PWWP2A: variants seen among roughly 807,000 people sequenced by gnomAD.
PWWP2A encodes PWWP domain-containing protein 2A.
PWWP2A carries 18 observed loss-of-function variants against 48.5 expected under a neutral mutation model. The observed-to-expected ratio is 0.37, with a 90% confidence interval of 0.26 to 0.55. The LOEUF (loss-of-function observed/expected upper bound fraction) is 0.55. Ranked by LOEUF, PWWP2A falls within the 20% of genes least tolerant of loss-of-function variation. The pLI is 0.81. For missense variants in PWWP2A, 867 were observed against 976.4 expected (o/e 0.89, Z 1.49); for synonymous variants, 396 against 387.7 (o/e 1.02, Z -0.25).
chr5:160,117,594 T>TC (rs1243702320), intron 1 of PWWP2A, among the ~76,000 whole-genome samples: 6 of 151,736 alleles, frequency 4.0e-5, no homozygotes, highest in African/African-American at 1.5e-4. Context: ...GAGGCGGAGG[T>TC]TGCAGTGAGA....
Position 160,093,027 on chromosome 5 carries a change from A to C in PWWP2A, c.1623T>G (p.Asn541Lys). Residue 541 changes from asparagine (N) to lysine (K), a missense_variant, in exon 2 of 2, where the codon AAT (asparagine) becomes AAG (lysine). Asn to Lys is a moderately conservative substitution (Grantham distance 94, BLOSUM62 0). Coordinates refer to ENST00000307063, the MANE Select transcript of PWWP2A (RefSeq NM_001130864.2). This position sits in a 1 kb window ranked among gnomAD's most constrained non-coding sequence, Gnocchi z 5.8. Reference sequence around the variant, plus strand: ...CCTGATCACCAGGCACATGCACTTCATTTGTGTCCTGAACCTCACTGCTGG... The same window carrying C: ...CCTGATCACCAGGCACATGCACTTCCTTTGTGTCCTGAACCTCACTGCTGG... Reference protein sequence around the residue: ...EEASSEVQDTNEVHVPGDQDE... With the variant: ...EEASSEVQDTKEVHVPGDQDE... The C allele has an allele frequency of 6.2e-7, 1 of 1,600,542 alleles. No individual in the cohort carries two copies. Among genetic ancestry groups the C allele is most frequent in the Non-Finnish European group, 8.5e-7 (1 of 1,173,396 alleles).
At chr5:160,047,247 C>T in the PWWP2A span, among the ~76,000 whole-genome samples, 1 of 151,980 alleles carries the variant, frequency 6.6e-6, no homozygotes, top group Non-Finnish European at 1.5e-5. Flanking sequence ...TTTAACGTGC[C>T]CAGCCCCCAC....
chr5:160,080,835 C>A, intron 2 of PWWP2A: 3 of 1,420,054 alleles, frequency 2.1e-6, no homozygotes, highest in Admixed American at 2.7e-5. Flanking sequence ...ATCCATTTTA[C>A]CAAAAAAATA....
chr5:160,081,967 A>G (rs1376386677), intron 2 of PWWP2A, among the ~76,000 whole-genome samples: 1 of 152,238 alleles, frequency 6.6e-6, no homozygotes, highest in Non-Finnish European at 1.5e-5. Flanking sequence ...TCTGACACTG[A>G]AAAGATTTTG....
chr5:160,075,804 G>GT, downstream of PWWP2A: 1 of 9,726 alleles, frequency 1.0e-4, no homozygotes, highest in South Asian at 3.4e-3. Context: ...AATTCTAATA[G>GT]TAAAAAAAAA....
chr5:160,079,089 GA>G (rs1465536103), intron 3 of PWWP2A, among the ~76,000 whole-genome samples: 1 of 152,024 alleles, frequency 6.6e-6, no homozygotes, highest in African/African-American at 2.4e-5. Flanking sequence ...TCCGTGGAAA[GA>G]AAGATGAATT....
chr5:160,072,708 AAC>A (rs1249941004), downstream of PWWP2A, among the ~76,000 whole-genome samples: 1 of 152,132 alleles, frequency 6.6e-6, no homozygotes, highest in Non-Finnish European at 1.5e-5. Flanking sequence ...CAGCCTGGGC[AAC>A]AGAGCGAGAC....
intron 1 of PWWP2A, among the ~76,000 whole-genome samples, chr5:160,101,142 G>C (rs1292746114): frequency 1.3e-5 from 2 of 152,332 alleles, no homozygotes; most frequent in African/African-American, 2.4e-5. Flanking sequence ...CTTGAGGCCA[G>C]GAGTTCAAGA....
At chr5:160,063,072 A>C (rs1357694069) in intron 5 of PWWP2A, among the ~76,000 whole-genome samples, 1 of 152,160 alleles carries the variant, frequency 6.6e-6, no homozygotes, top group Non-Finnish European at 1.5e-5. Flanking sequence ...CTGCCTGGAG[A>C]ACAGCCATCC....
chr5:160,094,277 C>T (rs1755387968), intron 1 of PWWP2A, among the ~76,000 whole-genome samples: 1 of 152,160 alleles, frequency 6.6e-6, no homozygotes, highest in African/African-American at 2.4e-5. Context: ...TAAAAACAAA[C>T]AGCTGCCCTA....
At chr5:160,065,765 AG>A (rs1728483710) in intron 4 of PWWP2A, among the ~76,000 whole-genome samples, 1 of 152,240 alleles carries the variant, frequency 6.6e-6, no homozygotes, top group South Asian at 2.1e-4. Flanking sequence ...GGGCCCCTCC[AG>A]GTTTGTATAG....
chr5:160,078,443 G>A lies in PWWP2A; in HGVS notation c.1670-275C>T, dbSNP rs867806779. Among the ~76,000 whole-genome samples the A allele has an allele frequency of 6.6e-6, 1 of 152,170 alleles. No homozygotes were observed. Among genetic ancestry groups the A allele is most frequent in the South Asian group, 2.1e-4 (1 of 4,824 alleles). ...ATCTTTACATAATCAATGTGCACTTGAGTGTTTTTTTAAAATACTTGCTTA... is the reference window on the plus strand; with the variant it reads ...ATCTTTACATAATCAATGTGCACTTAAGTGTTTTTTTAAAATACTTGCTTA... On this transcript the variant is annotated intron_variant, in intron 3 of 3. Transcript: ENST00000456329. The surrounding 1 kb of genome is among the most constrained non-coding windows in gnomAD (Gnocchi z 4.2).
At position 160,093,265 on chromosome 5, in the gene PWWP2A, T is replaced by A. The variant is rs776508681; in HGVS notation, c.1385A>T (p.Tyr462Phe). The A allele has an allele frequency of 1.9e-5, 31 of 1,613,944 alleles. No homozygotes were observed. The highest frequency in any genetic ancestry group is 6.7e-5 in the African/African-American group (5 of 74,952). The stretch of plus-strand genomic sequence containing the variant: ...AAGGGAACCTGAGCTAGGATTCTGA[T>A]ATCGACGTGTGAAATGGACTTTTGA... ...AHSKVHFTRR[Y>F]QNPSSGSLPP... The change falls in exon 2 of 2, where the codon TAT becomes TTT. Residue 462 changes from tyrosine to phenylalanine, a missense_variant. Around this residue, in one of 4 missense-constraint regions of PWWP2A, gnomAD observed 382 missense variants for 407.2 expected, o/e 0.94. Transcript: ENST00000307063. This position sits in a 1 kb window ranked among gnomAD's most constrained non-coding sequence, Gnocchi z 5.8.
chr5:160,093,658 GCAA>G lies in PWWP2A; in HGVS notation c.989_991del (p.Val330del). The stretch of plus-strand genomic sequence containing the variant: ...ACCTTTTCTAATTTCCTTTTTTTCA[GCAA>G]CAACACTGTTTTTACATTTATCACA... On this transcript the variant is annotated inframe_deletion, in exon 2 of 2. Transcript: ENST00000307063. This position sits in a 1 kb window ranked among gnomAD's most constrained non-coding sequence, Gnocchi z 5.8. 6.2e-7 allele frequency: 1 copy of G among 1,613,648 alleles called. No homozygotes were observed. Among genetic ancestry groups the G allele is most frequent in the East Asian group, 2.2e-5 (1 of 44,874 alleles).
intron 1 of PWWP2A, among the ~76,000 whole-genome samples, chr5:160,098,222 C>T (rs902289285): frequency 3.3e-5 from 5 of 152,002 alleles, no homozygotes; most frequent in Non-Finnish European, 5.9e-5. Context: ...AATACTCAAG[C>T]GTTAAATGCT....
the PWWP2A span, chr5:160,051,219 G>C: frequency 6.4e-7 from 1 of 1,562,638 alleles, no homozygotes; most frequent in South Asian, 1.1e-5. Context: ...ATCATAAACA[G>C]CTAGGAACCT....
Position 160,119,332 on chromosome 5 carries a change from G to C in PWWP2A, c.57C>G (p.Gly19=). The C allele has an allele frequency of 1.4e-6, 2 of 1,388,134 alleles. No individual in the cohort carries two copies. The highest frequency in any genetic ancestry group is 3.2e-5 in the South Asian group (2 of 62,584). The allele number at this position is 1,388,134 out of a possible 1,614,324, so 86.0% of individuals were successfully genotyped here. A position where few individuals can be genotyped will look rare whatever the true frequency, so the allele number is the denominator to read the frequency against. Residue 19 remains glycine, a synonymous_variant, in exon 1 of 2, where the codon GGC becomes GGG. Coordinates refer to ENST00000307063, the MANE Select transcript of PWWP2A (RefSeq NM_001130864.2). ...CCATCTCCGGCTCGGCCTCGCCGGC[G>C]CCCCCCTCCCCGGGGGACGCTGCAG... ...AATAASPGEG[G]AGEAEPEMEP...
At chr5:160,109,268 T>G (rs1217262459) in intron 1 of PWWP2A, among the ~76,000 whole-genome samples, 1 of 151,802 alleles carries the variant, frequency 6.6e-6, no homozygotes, top group Admixed American at 6.6e-5. Context: ...ACAGTCATGA[T>G]CCACTGCACC....
At position 160,078,171 on chromosome 5, in the gene PWWP2A, G is replaced by C; in HGVS notation, c.1670-3C>G. On this transcript the variant is annotated splice_region_variant and splice_polypyrimidine_tract_variant and intron_variant, in intron 3 of 3. Transcript: ENST00000456329. The surrounding 1 kb of genome is among the most constrained non-coding windows in gnomAD (Gnocchi z 4.2). ...AGCAGCCTGCTAATGTCTTTGTGCT[G>C]AAATATAGTAAAGAAAAGGAAGAAA... 1 of 1,553,524 alleles carries C rather than the reference G, an allele frequency of 6.4e-7. No individual in the cohort carries two copies. Among genetic ancestry groups the C allele is most frequent in the Non-Finnish European group, 8.7e-7 (1 of 1,146,320 alleles).
Sources: allele counts gnomAD v4.1 joint callset (sites outside exome capture counted in the v4.1 genomes callset), GRCh38; gene constraint gnomAD v4.1.1; regional missense constraint gnomAD v4.1.1; non-coding constraint Gnocchi (gnomAD v3.1); transcripts MANE v1.5; gene names NCBI Gene and HGNC (gene_info 2026-07-23, HGNC 2026-07-21).